Variants in MED27 observed in about 807,000 individuals in gnomAD.
The protein encoded by MED27 is mediator of RNA polymerase II transcription subunit 27.
MED27 carries 30 observed loss-of-function variants against 38.2 expected under a neutral mutation model. The ratio of observed to expected loss-of-function variants is 0.79; its 90% confidence interval spans 0.59 to 1.07. The LOEUF (loss-of-function observed/expected upper bound fraction) is 1.07. MED27 is among the 50% of genes least tolerant of loss of function. MED27 has a pLI of 0.00. For missense variants in MED27, 289 were observed against 397.5 expected, an observed-to-expected ratio of 0.73 and a Z score of 2.32; for synonymous variants, 122 against 153.5, an observed-to-expected ratio of 0.79 and a Z score of 1.52.
chr9:132,028,307 T>C (rs1279808142), intron 2 of MED27, among the ~76,000 whole-genome samples: 2 of 152,206 alleles, frequency 1.3e-5, no homozygotes, highest in East Asian at 1.9e-4. Flanking sequence ...TGAATCACAG[T>C]AGTAAAGCTG....
chr9:131,864,135 G>T lies in MED27; in HGVS notation c.724-995C>A, dbSNP rs553250945. Among the ~76,000 whole-genome samples, 7 of 152,244 alleles carry T rather than the reference G, an allele frequency of 4.6e-5. No individual in the cohort carries two copies. In the South Asian group the frequency reaches 1.2e-3, roughly 27 times the overall value. On this transcript the variant is annotated intron_variant, in intron 6 of 7. Transcript: ENST00000292035. ...TTTGATAGTTATGTTCAAAGTAATG[G>T]TTTACATGATTGTCCTCATTAGGGA...
intron 4 of MED27, 85 bp downstream of exon 4, chr9:131,939,296 G>C: frequency 1.3e-6 from 1 of 751,610 alleles, no homozygotes; most frequent in Non-Finnish European, 2.1e-6. Context: ...CCATTCTCTA[G>C]ATCCTACAAC....
chr9:131,958,824 C>T (rs531266317), intron 3 of MED27, among the ~76,000 whole-genome samples: 3 of 152,244 alleles, frequency 2.0e-5, no homozygotes, highest in South Asian at 4.1e-4. Flanking sequence ...TTTACAGCTA[C>T]GACCTGGGTG....
chr9:131,896,706 T>A, intron 4 of MED27, among the ~76,000 whole-genome samples: 1 of 152,090 alleles, frequency 6.6e-6, no homozygotes, highest in East Asian at 1.9e-4. Flanking sequence ...AACATCGTTA[T>A]AATGAAACTA....
intron 4 of MED27, among the ~76,000 whole-genome samples, chr9:131,905,214 G>T (rs1408260126): frequency 2.0e-5 from 3 of 152,180 alleles, no homozygotes; most frequent in African/African-American, 4.8e-5. Context: ...AATCCAAAAA[G>T]ATTCTATGTG....
chr9:131,918,539 G>T (rs762552929), intron 4 of MED27, among the ~76,000 whole-genome samples: 7 of 152,186 alleles, frequency 4.6e-5, no homozygotes, highest in African/African-American at 1.4e-4. Context: ...ATTTGACTTA[G>T]TATGTTTTTG....
chr9:131,980,050 T>C (rs1006355777), intron 3 of MED27, among the ~76,000 whole-genome samples: 27 of 152,226 alleles, frequency 1.8e-4, no homozygotes, highest in African/African-American at 6.5e-4. Flanking sequence ...AGCACAGATA[T>C]ACCTCTAACA....
rs145278667 is a variant in MED27 at position 131,979,030 on chromosome 9, A to G, written c.479+35307T>C. Among the ~76,000 whole-genome samples, 793 of 152,342 alleles carry G rather than the reference A, an allele frequency of 5.2e-3. 3 individuals carry two copies. The highest frequency in any genetic ancestry group is 0.017 in the African/African-American group (711 of 41,580). On this transcript the variant is annotated intron_variant, in intron 3 of 7. Coordinates refer to ENST00000292035, the MANE Select transcript of MED27 (RefSeq NM_004269.4). ...GAAATGAATTATCATCTTTACATAC[A>G]TAAGATTAGCTACAACTACCTGGTG...
intron 3 of MED27, among the ~76,000 whole-genome samples, chr9:131,998,004 T>C (rs1005919441): frequency 6.6e-6 from 1 of 152,166 alleles, no homozygotes; most frequent in Non-Finnish European, 1.5e-5. Context: ...GCTGATAAAG[T>C]CTTGCTGCTC....
chr9:131,986,747 A>C (rs1218021206), intron 3 of MED27, among the ~76,000 whole-genome samples: 1 of 152,200 alleles, frequency 6.6e-6, no homozygotes, highest in African/African-American at 2.4e-5. Context: ...ACCTTCTGAA[A>C]TATTATTCCT....
intron 3 of MED27, among the ~76,000 whole-genome samples, chr9:131,965,480 C>T (rs773569393): frequency 3.9e-5 from 6 of 152,204 alleles, no homozygotes; most frequent in Non-Finnish European, 8.8e-5. Flanking sequence ...GTTAATGGAT[C>T]AATTTATTTA....
At chr9:132,072,078 A>G (rs1833952917) in intron 2 of MED27, among the ~76,000 whole-genome samples, 1 of 152,228 alleles carries the variant, frequency 6.6e-6, no homozygotes, top group South Asian at 2.1e-4. Context: ...CACCCCATAA[A>G]TAAGTACACA....
intron 4 of MED27, among the ~76,000 whole-genome samples, chr9:131,924,625 T>C (rs535830744): frequency 6.6e-6 from 1 of 152,272 alleles, no homozygotes; most frequent in South Asian, 2.1e-4. Flanking sequence ...TCATACTCAA[T>C]TTCCACATGT....
intron 3 of MED27, among the ~76,000 whole-genome samples, chr9:131,973,956 A>G (rs1235240848): frequency 6.7e-6 from 1 of 149,838 alleles, no homozygotes; most frequent in Non-Finnish European, 1.5e-5. Flanking sequence ...CTAGTGATCC[A>G]CCCGCCTTGG....
intron 2 of MED27, among the ~76,000 whole-genome samples, chr9:132,054,523 C>T (rs1833533478): frequency 6.6e-6 from 1 of 152,182 alleles, no homozygotes; most frequent in African/African-American, 2.4e-5. Context: ...GGGCTCAAGC[C>T]ATCCTCCCGC....
intron 2 of MED27, among the ~76,000 whole-genome samples, chr9:132,024,294 A>T (rs1564329245): frequency 6.6e-6 from 1 of 152,152 alleles, no homozygotes; most frequent in South Asian, 2.1e-4. Context: ...CAACAAATCC[A>T]TGGGGGGCAG....
chr9:131,964,396 TGCTGGA>T (rs2131003525), intron 3 of MED27, among the ~76,000 whole-genome samples: 1 of 71,734 alleles, frequency 1.4e-5, no homozygotes, highest in Non-Finnish European at 3.1e-5. Flanking sequence ...GTGGTGGTGA[TGCTGGA>T]GGTGATAGTG....
intron 2 of MED27, among the ~76,000 whole-genome samples, chr9:132,045,413 T>TACACACACAC (rs61360267): frequency 1.4e-5 from 2 of 144,494 alleles, no homozygotes; most frequent in African/African-American, 2.6e-5. Flanking sequence ...AAGAGGAAAT[T>TACACACACAC]ACACACACAC....
chr9:131,988,456 A>G (rs908978722), intron 3 of MED27, among the ~76,000 whole-genome samples: 2 of 152,226 alleles, frequency 1.3e-5, no homozygotes, highest in Non-Finnish European at 2.9e-5. Flanking sequence ...TTGCTCCTCA[A>G]CATGAAGACA....
Sources: gnomAD v4.1 joint callset for allele counts (sites outside exome capture counted in the v4.1 genomes callset) on GRCh38, gnomAD v4.1.1 for gene constraint, MANE v1.5 for transcripts, NCBI Gene and HGNC (gene_info 2026-07-23, HGNC 2026-07-21) for gene names.